The following LAMC1 variants were observed in gnomAD, a reference collection of about 807,000 sequenced individuals.
The protein encoded by LAMC1 is laminin subunit gamma 1.
Under a neutral mutation model 173.6 loss-of-function variants are expected in LAMC1, and 38 were observed. The observed-to-expected ratio is 0.22, with a 90% CI of 0.17 to 0.29. The LOEUF (loss-of-function observed/expected upper bound fraction) is 0.29. LAMC1 is among the 10% of genes least tolerant of loss of function. LAMC1 has a pLI of 1.00. For synonymous variants in LAMC1, 746 were observed against 749.1 expected (o/e 1.00, Z 0.07); for missense variants, 1,824 against 2,051.8 (o/e 0.89, Z 2.14).
rs141638496 is a variant in LAMC1, at chr1:183,081,830, T to A, written c.419-21498T>A. Among the ~76,000 whole-genome samples the A allele has an allele frequency of 5.7e-3, 866 of 152,276 alleles. 8 individuals carry two copies. Among genetic ancestry groups the A allele is most frequent in the African/African-American group, 0.02 (827 of 41,540 alleles). On this transcript the variant is annotated intron_variant, in intron 1 of 27. Transcript: ENST00000258341. ...TGCATTCTAAGGATTTGGACAAATG[T>A]TTCATGATATGTGCTGTTACAGTAT...
chr1:183,107,232 A>G (rs1388273233), intron 2 of LAMC1, among the ~76,000 whole-genome samples: 2 of 152,232 alleles, frequency 1.3e-5, no homozygotes, highest in Non-Finnish European at 2.9e-5. Flanking sequence ...GGCAGTGGAC[A>G]AAATAGAAAT....
chr1:183,045,884 A>G lies in LAMC1; in HGVS notation c.418+21750A>G, dbSNP rs148997788. Among the ~76,000 whole-genome samples, 6 of 152,128 alleles carry G rather than the reference A, an allele frequency of 3.9e-5. 1 individual carries two copies. The highest frequency in any genetic ancestry group is 1.4e-4 in the African/African-American group (6 of 41,542). The stretch of plus-strand genomic sequence containing the variant: ...ATCTTAGTGGTTTTATTTATAAAGG[A>G]GAGTATCTTTTCATGTGTTTATTGG... On this transcript the variant is annotated intron_variant, in intron 1 of 27. Coordinates refer to ENST00000258341, the MANE Select transcript of LAMC1 (RefSeq NM_002293.4).
chr1:183,049,805 C>G (rs562151898), intron 1 of LAMC1, among the ~76,000 whole-genome samples: 1 of 144,664 alleles, frequency 6.9e-6, no homozygotes, highest in South Asian at 2.3e-4. Context: ...CCATACTCTC[C>G]CATTCTCACC....
intron 1 of LAMC1, among the ~76,000 whole-genome samples, chr1:183,089,535 G>A (rs1394629140): frequency 1.3e-5 from 2 of 152,128 alleles, no homozygotes; most frequent in African/African-American, 4.8e-5. Flanking sequence ...AGGGACATTT[G>A]ATATTTATCT....
At chr1:183,033,962 G>A (rs1571399342) in intron 1 of LAMC1, among the ~76,000 whole-genome samples, 1 of 152,244 alleles carries the variant, frequency 6.6e-6, no homozygotes, top group Admixed American at 6.5e-5. Context: ...GCCTCCCAAA[G>A]TGCTGGGATT....
chr1:183,051,167 C>T (rs1354738108), intron 1 of LAMC1, among the ~76,000 whole-genome samples: 1 of 152,172 alleles, frequency 6.6e-6, no homozygotes, highest in Non-Finnish European at 1.5e-5. Flanking sequence ...GACACTCCTC[C>T]TTTTGTGTGT....
chr1:183,115,437 A>G, intron 5 of LAMC1, 83 bp from the exon 6 acceptor site: 3 of 902,538 alleles, frequency 3.3e-6, no homozygotes, highest in Non-Finnish European at 5.5e-6. Context: ...GCTTTTAATT[A>G]CCAGTTATCT....
chr1:183,137,611 C>T, intron 25 of LAMC1, 58 bp from the exon 26 acceptor site: 2 of 1,108,272 alleles, frequency 1.8e-6, no homozygotes, highest in South Asian at 1.9e-5. Context: ...GGAGCGGGAG[C>T]ATACTTGAGA....
intron 1 of LAMC1, among the ~76,000 whole-genome samples, chr1:183,049,865 A>G (rs1253866972): frequency 6.6e-6 from 1 of 152,124 alleles, no homozygotes; most frequent in African/African-American, 2.4e-5. Context: ...CCTTTGTGTC[A>G]ATTGTGTTCT....
At chr1:183,092,829 A>G (rs1054956176) in intron 1 of LAMC1, among the ~76,000 whole-genome samples, 3 of 152,040 alleles carry the variant, frequency 2.0e-5, no homozygotes, top group African/African-American at 7.2e-5. Context: ...TCCACTCCAA[A>G]CCACCAGAGA....
rs1245492535 is a variant in LAMC1 at position 183,108,351 on chromosome 1, C to G, written c.799C>G (p.Pro267Ala). The change falls in exon 3 of 28, where the codon CCC becomes GCC. Residue 267 changes from proline (P) to alanine (A), a missense_variant. By Grantham distance (27) the Pro-to-Ala change is conservative. Transcript: ENST00000258341. ...TTTTGGAGATGAAGTGTTTAACGAT[C>G]CCAAAGTTCTCAAGTCCTATTATTA... is the stretch of plus-strand genomic sequence containing the variant. ...NTFGDEVFND[P>A]KVLKSYYYAI... The G allele has an allele frequency of 2.5e-6, 4 of 1,613,528 alleles. No individual in the cohort carries two copies. Among genetic ancestry groups the G allele is most frequent in the South Asian group, 1.1e-5 (1 of 91,048 alleles).
rs1315936646 is a variant in LAMC1, at chr1:183,108,362, C to T, written c.810C>T (p.Leu270=). 2.5e-6 allele frequency: 4 copies of T among 1,613,488 alleles called. No individual in the cohort carries two copies. In the East Asian group the frequency reaches 6.7e-5, roughly 27 times the overall value. ...GDEVFNDPKV[L]KSYYYAISDF... The stretch of plus-strand genomic sequence containing the variant: ...AAGTGTTTAACGATCCCAAAGTTCT[C>T]AAGTCCTATTATTATGCCATCTCTG... Residue 270 remains leucine (L), a synonymous_variant, in exon 3 of 28, where the codon CTC becomes CTT. Transcript: ENST00000258341.
At chr1:183,127,080 T>G in intron 16 of LAMC1, 146 bp from the exon 17 acceptor site, 1 of 660,006 alleles carries the variant, frequency 1.5e-6, no homozygotes, top group South Asian at 2.2e-5. Context: ...GACTTAGCCA[T>G]TTAAGATCTC....
intron 27 of LAMC1, among the ~76,000 whole-genome samples, chr1:183,141,588 G>A (rs1398452479): frequency 6.6e-6 from 1 of 152,160 alleles, no homozygotes; most frequent in Non-Finnish European, 1.5e-5. Flanking sequence ...TTGTAGCAAG[G>A]CATTATATTT....
rs955096447 is a variant in LAMC1, at chr1:183,144,677, T to C, written c.*1887T>C. The stretch of plus-strand genomic sequence containing the variant: ...GATTAGGAAAGTTTGCTGAAGAGGA[T>C]CTTTGACGCCACAGTGGGACTAGCC... On this transcript the variant is annotated 3_prime_UTR_variant, in exon 28 of 28. Coordinates refer to ENST00000258341, the MANE Select transcript of LAMC1 (RefSeq NM_002293.4). 6.6e-6 allele frequency: 1 copy of C among 152,172 alleles called. No homozygotes were observed. Among genetic ancestry groups the C allele is most frequent in the Non-Finnish European group, 1.5e-5 (1 of 68,064 alleles). 9.4% of individuals were successfully genotyped at this position (152,172 alleles called of 1,614,324 possible).
At chr1:183,070,780 G>A (rs1446979567) in intron 1 of LAMC1, among the ~76,000 whole-genome samples, 1 of 152,012 alleles carries the variant, frequency 6.6e-6, no homozygotes, top group Non-Finnish European at 1.5e-5. Context: ...GTCAACCTCG[G>A]CAAATTTCTT....
chr1:183,144,825 A>C lies in LAMC1; in HGVS notation c.*2035A>C, dbSNP rs2102122412. The C allele has an allele frequency of 6.6e-6, 1 of 152,334 alleles. No individual in the cohort carries two copies. Among genetic ancestry groups the C allele is most frequent in the South Asian group, 2.1e-4 (1 of 4,828 alleles). 9.4% of individuals were successfully genotyped at this position (152,334 alleles called of 1,614,324 possible). On this transcript the variant is annotated 3_prime_UTR_variant, in exon 28 of 28. Transcript: ENST00000258341. ...AACAGTGCTACTTACTGATGGGTAG[A>C]CTGGGAGAGGTGGTGTAACTTAGTT...
chr1:183,037,474 A>C (rs890031428), intron 1 of LAMC1, among the ~76,000 whole-genome samples: 2 of 152,180 alleles, frequency 1.3e-5, no homozygotes, highest in East Asian at 3.9e-4. Flanking sequence ...TTGTTGTTAA[A>C]GTTTGCTAAC....
chr1:183,118,675 C>T (rs1048685547), intron 11 of LAMC1, among the ~76,000 whole-genome samples: 13 of 151,466 alleles, frequency 8.6e-5, no homozygotes, highest in African/African-American at 2.9e-4. Flanking sequence ...GTGAGCTGAG[C>T]TCATGCCACT....
Sources: allele counts gnomAD v4.1 joint callset (sites outside exome capture counted in the v4.1 genomes callset), GRCh38; gene constraint gnomAD v4.1.1; transcripts MANE v1.5; gene names NCBI Gene and HGNC (gene_info 2026-07-23, HGNC 2026-07-21).